The following TAFA5 variants were observed in gnomAD, a reference collection of about 807,000 sequenced individuals.
TAFA5 encodes the protein TAFA chemokine like family member 5, also known as chemokine-like protein TAFA-5.
TAFA5 carries 6 observed loss-of-function variants against 15.3 expected under a neutral mutation model. That is an observed-to-expected ratio of 0.39 (90% CI 0.21 to 0.77). The LOEUF is 0.77. TAFA5 is among the 30% of genes least tolerant of loss of function. The pLI is 0.41. For synonymous variants in TAFA5, 103 were observed against 80.7 expected, an observed-to-expected ratio of 1.28 and a Z score of -1.48; for missense variants, 161 against 193.1, an observed-to-expected ratio of 0.83 and a Z score of 0.98.
chr22:48,714,231 C>T (rs1929338683), intron 3 of TAFA5, among the ~76,000 whole-genome samples: 1 of 152,248 alleles, frequency 6.6e-6, no homozygotes, highest in Admixed American at 6.5e-5. Context: ...CTTCTGGAAC[C>T]CCCTGTAGGG....
At chr22:48,743,693 G>A (rs531803265) in intron 3 of TAFA5, among the ~76,000 whole-genome samples, 66 of 152,240 alleles carry the variant, frequency 4.3e-4, no homozygotes, top group Non-Finnish European at 8.4e-4. Context: ...GGCAGCCGAG[G>A]CGCTGACGTC....
intron 2 of TAFA5, among the ~76,000 whole-genome samples, chr22:48,655,592 G>A (rs1927208235): frequency 6.6e-6 from 1 of 152,166 alleles, no homozygotes; most frequent in East Asian, 1.9e-4. Context: ...TTCATGACCT[G>A]AACATCGGTC....
intron 3 of TAFA5, among the ~76,000 whole-genome samples, chr22:48,747,205 C>T (rs1930353674): frequency 6.6e-6 from 1 of 152,224 alleles, no homozygotes; most frequent in African/African-American, 2.4e-5. Flanking sequence ...AGATGACCTG[C>T]TGCAGCTCAG....
chr22:48,617,659 C>T (rs553426874), intron 1 of TAFA5, among the ~76,000 whole-genome samples: 114 of 152,324 alleles, frequency 7.5e-4, no homozygotes, highest in South Asian at 3.3e-3. Flanking sequence ...TCTGTCTCCG[C>T]GTCTATCTCC....
In TAFA5 at chr22:48,679,781, T is replaced by TCCATCCCTCTCCCGGCTCCCC. The variant is rs1569076317; in HGVS notation, c.263-27936_263-27935insCCATCCCTCTCCCGGCTCCCC. 3.7e-4 allele frequency among the ~76,000 whole-genome samples: 46 copies of TCCATCCCTCTCCCGGCTCCCC among 124,378 alleles called. 3 individuals carry two copies. Among genetic ancestry groups the TCCATCCCTCTCCCGGCTCCCC allele is most frequent in the African/African-American group, 1.5e-3 (43 of 27,934 alleles). 81.6% of individuals were successfully genotyped at this position (124,378 alleles called of 152,430 possible). A position where few individuals can be genotyped will look rare whatever the true frequency, so the allele number is the denominator to read the frequency against. ...CCCGTCCATCCCTCTCCCGGCTCCC[T>TCCATCCCTCTCCCGGCTCCCC]GTCCATCCCTCTCCTGGTGTGGCTG... On this transcript the variant is annotated intron_variant, in intron 2 of 3. Transcript: ENST00000402357.
intron 1 of TAFA5, among the ~76,000 whole-genome samples, chr22:48,584,986 C>T (rs1924287384): frequency 6.8e-6 from 1 of 146,660 alleles, no homozygotes; most frequent in South Asian, 2.2e-4. Flanking sequence ...CACACACATT[C>T]ACATGTACAC....
At chr22:48,585,384 GCACACACCA>G (rs759820981) in intron 1 of TAFA5, among the ~76,000 whole-genome samples, 130 of 130,604 alleles carry the variant, frequency 1.0e-3, no homozygotes, top group African/African-American at 3.6e-3. Context: ...ACACCACACA[GCACACACCA>G]CACACACCAC....
intron 2 of TAFA5, among the ~76,000 whole-genome samples, chr22:48,647,851 C>T (rs1020155341): frequency 2.0e-5 from 3 of 152,114 alleles, no homozygotes; most frequent in Non-Finnish European, 2.9e-5. Flanking sequence ...GAGGGTCCCC[C>T]GTGGGTGAGA....
At chr22:48,536,414 G>A (rs1922166608) in intron 1 of TAFA5, among the ~76,000 whole-genome samples, 1 of 152,224 alleles carries the variant, frequency 6.6e-6, no homozygotes, top group African/African-American at 2.4e-5. Context: ...CGTCCTTTCA[G>A]CCCTGACAGC....
At chr22:48,589,668 G>A (rs374678985) in intron 1 of TAFA5, among the ~76,000 whole-genome samples, 9 of 151,544 alleles carry the variant, frequency 5.9e-5, no homozygotes, top group African/African-American at 1.9e-4. Flanking sequence ...AAACTCCAAA[G>A]GCAAGTCCTT....
At chr22:48,652,044 T>A (rs1368409678) in intron 2 of TAFA5, among the ~76,000 whole-genome samples, 1 of 152,154 alleles carries the variant, frequency 6.6e-6, no homozygotes, top group Non-Finnish European at 1.5e-5. Context: ...CCTAGCAATG[T>A]GGGGTTTAAT....
intron 2 of TAFA5, among the ~76,000 whole-genome samples, chr22:48,652,586 G>C (rs1927092933): frequency 1.3e-5 from 2 of 152,288 alleles, no homozygotes; most frequent in Admixed American, 1.3e-4. Flanking sequence ...TCCAGGAGGG[G>C]GTCTGGGCCC....
intron 1 of TAFA5, among the ~76,000 whole-genome samples, chr22:48,567,423 T>C (rs1923443486): frequency 6.6e-6 from 1 of 152,210 alleles, no homozygotes; most frequent in South Asian, 2.1e-4. Context: ...ATGGGATCTA[T>C]TAAGCCCAGC....
intron 2 of TAFA5, among the ~76,000 whole-genome samples, chr22:48,651,573 G>T (rs1439036799): frequency 1.3e-5 from 2 of 152,224 alleles, no homozygotes; most frequent in Non-Finnish European, 2.9e-5. Flanking sequence ...GCTTCTCTGT[G>T]GTTGGGAGTT....
chr22:48,517,413 C>T (rs1243087544), intron 1 of TAFA5, among the ~76,000 whole-genome samples: 1 of 152,150 alleles, frequency 6.6e-6, no homozygotes, highest in Non-Finnish European at 1.5e-5. Context: ...AGCCCTGACC[C>T]CCACCACCTC....
chr22:48,573,889 C>G (rs1218946888), intron 1 of TAFA5, among the ~76,000 whole-genome samples: 1 of 152,198 alleles, frequency 6.6e-6, no homozygotes, highest in Non-Finnish European at 1.5e-5. Flanking sequence ...AGGGCAGGCT[C>G]TCTCTCCTGA....
chr22:48,626,216 T>C (rs1297016371), intron 1 of TAFA5, among the ~76,000 whole-genome samples: 1 of 152,040 alleles, frequency 6.6e-6, no homozygotes, highest in African/African-American at 2.4e-5. Context: ...TACCTAGGAG[T>C]GTGATTTTGG....
intron 1 of TAFA5, among the ~76,000 whole-genome samples, chr22:48,603,691 C>T (rs1440123078): frequency 6.6e-6 from 1 of 152,218 alleles, no homozygotes; most frequent in East Asian, 1.9e-4. Context: ...GCAGCTGCCT[C>T]TCCCTTCTCC....
Position 48,490,391 on chromosome 22 carries a change from C to A in TAFA5, c.112+687C>A, listed in dbSNP as rs1928107209. On this transcript the variant is annotated intron_variant, in intron 1 of 3. Coordinates refer to ENST00000402357, the MANE Select transcript of TAFA5 (RefSeq NM_001082967.3). This position sits in a 1 kb window ranked among gnomAD's most constrained non-coding sequence, Gnocchi z 5.8. ...TGGGGTGGTGCGGGCCAGTGGGCGC[C>A]CGGGCGTGAGCTGAGGGCTGGGGTA... Among the ~76,000 whole-genome samples the A allele has an allele frequency of 6.6e-6, 1 of 151,652 alleles. No homozygotes were observed. Among genetic ancestry groups the A allele is most frequent in the African/African-American group, 2.4e-5 (1 of 41,296 alleles).
Sources: allele counts gnomAD v4.1 joint callset (sites outside exome capture counted in the v4.1 genomes callset), GRCh38; gene constraint gnomAD v4.1.1; non-coding constraint Gnocchi (gnomAD v3.1); transcripts MANE v1.5; gene names NCBI Gene and HGNC (gene_info 2026-07-23, HGNC 2026-07-21).